Variants in NSUN6 observed in about 807,000 individuals in gnomAD.
NSUN6 encodes NOP2/Sun RNA methyltransferase 6, also known as tRNA (cytosine(72)-C(5))-methyltransferase NSUN6.
Under a neutral mutation model 58.0 loss-of-function variants are expected in NSUN6, and 64 were observed. The observed-to-expected ratio is 1.10, with a 90% CI of 0.90 to 1.36. NSUN6 has a LOEUF of 1.36. Among genes scored for constraint, NSUN6 ranks in the 40% most tolerant of loss-of-function variants. The pLI is 0.00. For missense variants in NSUN6, 701 were observed against 550.1 expected, an observed-to-expected ratio of 1.27 and a Z score of -2.74; for synonymous variants, 231 against 193.9, an observed-to-expected ratio of 1.19 and a Z score of -1.59.
intron 6 of NSUN6, among the ~76,000 whole-genome samples, chr10:18,606,241 GT>G (rs1460330208): frequency 6.6e-6 from 1 of 152,038 alleles, no homozygotes; most frequent in Non-Finnish European, 1.5e-5. Context: ...TCTCCAGGGG[GT>G]TATCATGTAC....
At position 18,551,858 on chromosome 10, in the gene NSUN6, A is replaced by G. The variant is rs767782612; in HGVS notation, c.1036T>C (p.Ser346Pro). 3.1e-6 allele frequency: 5 copies of G among 1,613,532 alleles called. No homozygotes were observed. The South Asian group carries it at 3.3e-5, about 11-fold the overall frequency. The change falls in exon 9 of 11, where the codon TCA becomes CCA. Residue 346 changes from serine (S) to proline (P), a missense_variant. Ser to Pro is a moderately conservative substitution (Grantham distance 74). Coordinates refer to ENST00000377304, the MANE Select transcript of NSUN6 (RefSeq NM_182543.5). Reference sequence around the variant, plus strand: ...AGTTTTCGCTGTAATGGCTGATATGATGCCACTTCCTTCACAGACCAAGTA... The same window carrying G: ...AGTTTTCGCTGTAATGGCTGATATGGTGCCACTTCCTTCACAGACCAAGTA... ...ACTWSVKEVA[S>P]YQPLQRKLFT...
upstream of NSUN6, among the ~76,000 whole-genome samples, chr10:18,656,816 CT>C (rs59363607): frequency 2.4e-3 from 208 of 86,638 alleles, no homozygotes; most frequent in African/African-American, 7.4e-3. Context: ...AGTTACAATC[CT>C]TTTTTTTTTT....
intron 8 of NSUN6, among the ~76,000 whole-genome samples, chr10:18,577,876 T>C (rs769977249): frequency 6.6e-6 from 1 of 152,168 alleles, no homozygotes; most frequent in Non-Finnish European, 1.5e-5. Context: ...CCAACCGGAA[T>C]TAGTTTAGCC....
intron 6 of NSUN6, among the ~76,000 whole-genome samples, chr10:18,601,884 G>T (rs1168046790): frequency 6.6e-6 from 1 of 151,370 alleles, no homozygotes; most frequent in African/African-American, 2.4e-5. Context: ...TGAGGCAGGA[G>T]AACTGCTTCA....
intron 3 of NSUN6, among the ~76,000 whole-genome samples, chr10:18,626,032 G>C (rs1437248755): frequency 6.6e-6 from 1 of 152,080 alleles, no homozygotes; most frequent in African/African-American, 2.4e-5. Context: ...TCTCAATCAA[G>C]AAAGTAACGC....
At chr10:18,561,932 G>T (rs1038819631) in intron 8 of NSUN6, among the ~76,000 whole-genome samples, 1 of 150,750 alleles carries the variant, frequency 6.6e-6, no homozygotes, top group African/African-American at 2.5e-5. Context: ...GGAATGAATG[G>T]AATGGAGAAT....
At chr10:18,582,965 A>T (rs2056970560) in intron 8 of NSUN6, among the ~76,000 whole-genome samples, 2 of 152,168 alleles carry the variant, frequency 1.3e-5, no homozygotes, top group South Asian at 4.1e-4. Flanking sequence ...GGCCTCTGAG[A>T]CGAAGCTCAG....
At chr10:18,572,015 T>C (rs940104681) in intron 8 of NSUN6, among the ~76,000 whole-genome samples, 13 of 151,084 alleles carry the variant, frequency 8.6e-5, no homozygotes, top group Non-Finnish European at 1.3e-4. Flanking sequence ...CCATTCTCCA[T>C]TGCATTTCAT....
At chr10:18,619,649 G>T (rs369856155) in intron 3 of NSUN6, among the ~76,000 whole-genome samples, 12 of 152,140 alleles carry the variant, frequency 7.9e-5, no homozygotes, top group African/African-American at 2.4e-4. Flanking sequence ...ACTCCTCGGT[G>T]TATGTAGCAA....
intron 8 of NSUN6, among the ~76,000 whole-genome samples, chr10:18,569,450 C>A (rs200822092): frequency 0.021 from 2,177 of 106,138 alleles, no homozygotes; most frequent in East Asian, 0.11. Flanking sequence ...ATTCTCCTTA[C>A]CAACCTCCAT....
chr10:18,613,655 G>C (rs1417653490), intron 5 of NSUN6, among the ~76,000 whole-genome samples: 1 of 152,098 alleles, frequency 6.6e-6, no homozygotes, highest in Non-Finnish European at 1.5e-5. Flanking sequence ...TAAAATCTTT[G>C]TTCTTGGCCA....
At position 18,583,073 on chromosome 10, in the gene NSUN6, A is replaced by G. The variant is rs535336181; in HGVS notation, c.922+2876T>C. Among the ~76,000 whole-genome samples the G allele has an allele frequency of 5.3e-5, 8 of 152,318 alleles. No homozygotes were observed. In the East Asian group the frequency reaches 9.6e-4, roughly 18 times the overall value. On this transcript the variant is annotated intron_variant, in intron 8 of 10. Coordinates refer to ENST00000377304, the MANE Select transcript of NSUN6 (RefSeq NM_182543.5). ...AAGAAAAACCACAGCCAAAAACCAC[A>G]GCCAGTTCCTGCCTTAACTGATCAA...
At chr10:18,572,927 T>C (rs2056453704) in intron 8 of NSUN6, among the ~76,000 whole-genome samples, 1 of 151,146 alleles carries the variant, frequency 6.6e-6, no homozygotes, top group African/African-American at 2.4e-5. Flanking sequence ...CATCCTCCAT[T>C]CCATTCCATT....
At chr10:18,589,251 C>T (rs11593617) in intron 7 of NSUN6, among the ~76,000 whole-genome samples, 32,676 of 152,052 alleles carry the variant, frequency 0.21, 3,873 homozygotes, top group South Asian at 0.35. Context: ...ACAAAGCCTA[C>T]AAGAAATATG....
intron 3 of NSUN6, among the ~76,000 whole-genome samples, chr10:18,625,246 C>G (rs7921366): frequency 0.56 from 85,481 of 151,944 alleles, 24,588 homozygotes; most frequent in East Asian, 0.97. Context: ...AATCACTAAA[C>G]CTGAGGGCTG....
intron 10 of NSUN6, among the ~76,000 whole-genome samples, chr10:18,547,880 C>T (rs180884952): frequency 1.3e-4 from 20 of 152,148 alleles, no homozygotes; most frequent in Admixed American, 9.2e-4. Flanking sequence ...AAAAACACTC[C>T]CAAGCTCTGT....
intron 9 of NSUN6, among the ~76,000 whole-genome samples, chr10:18,551,246 G>C (rs1231278211): frequency 9.6e-6 from 1 of 104,434 alleles, no homozygotes; most frequent in Non-Finnish European, 2.1e-5. Context: ...CCTCTCAGTT[G>C]TGTGTGTGTG....
chr10:18,572,016 T>C (rs532233423), intron 8 of NSUN6, among the ~76,000 whole-genome samples: 4 of 151,338 alleles, frequency 2.6e-5, no homozygotes, highest in Admixed American at 1.3e-4. Flanking sequence ...CATTCTCCAT[T>C]GCATTTCATT....
chr10:18,625,971 G>A (rs538831354), intron 3 of NSUN6, among the ~76,000 whole-genome samples: 1 of 151,826 alleles, frequency 6.6e-6, no homozygotes, highest in Non-Finnish European at 1.5e-5. Flanking sequence ...GGCCTGAAAC[G>A]ACCAGACTCA....
Sources: gnomAD v4.1 joint callset for allele counts (sites outside exome capture counted in the v4.1 genomes callset) on GRCh38, gnomAD v4.1.1 for gene constraint, MANE v1.5 for transcripts, NCBI Gene and HGNC (gene_info 2026-07-23, HGNC 2026-07-21) for gene names.